TMEM178B: variants seen among roughly 807,000 people sequenced by gnomAD.
The protein encoded by TMEM178B is transmembrane protein 178B.
In TMEM178B, 5 loss-of-function variants were observed where a neutral mutation model predicts 31.0. The observed-to-expected ratio is 0.16, with a 90% CI of 0.08 to 0.34. TMEM178B has a LOEUF of 0.34. Among genes scored for constraint, TMEM178B ranks in the 10% least tolerant of loss-of-function variants. The pLI is 1.00. For missense variants in TMEM178B, 275 were observed against 400.3 expected, an observed-to-expected ratio of 0.69 and a Z score of 2.67; for synonymous variants, 164 against 164.0, an observed-to-expected ratio of 1.00 and a Z score of 0.00.
chr7:141,257,895 T>C (rs1797953024), intron 2 of TMEM178B, among the ~76,000 whole-genome samples: 1 of 151,946 alleles, frequency 6.6e-6, no homozygotes, highest in African/African-American at 2.4e-5. Context: ...TATGGTCTCC[T>C]ATCATTTTTG....
intron 1 of TMEM178B, among the ~76,000 whole-genome samples, chr7:141,196,437 AC>A (rs1375197375): frequency 6.6e-6 from 1 of 152,234 alleles, no homozygotes. Flanking sequence ...ATTCTAAATA[AC>A]AGTGTCTGGA....
chr7:141,413,836 A>G (rs1353814080), intron 2 of TMEM178B, among the ~76,000 whole-genome samples: 1 of 138,270 alleles, frequency 7.2e-6, no homozygotes, highest in Non-Finnish European at 1.7e-5. Flanking sequence ...AGAGCAACAC[A>G]TACTTATTAT....
chr7:141,216,464 T>C lies in TMEM178B; in HGVS notation c.496+3760T>C, dbSNP rs865910968. On this transcript the variant is annotated intron_variant, in intron 2 of 3. Coordinates refer to ENST00000565468, the MANE Select transcript of TMEM178B (RefSeq NM_001195278.2). ...GTGTGTGTGTGCGCGCGCGCGCGCG[T>C]GTGTGTGTGTGGGTGTGTGGTGGGG... 4.0e-4 allele frequency among the ~76,000 whole-genome samples: 36 copies of C among 90,026 alleles called. 1 individual carries two copies. Among genetic ancestry groups the C allele is most frequent in the South Asian group, 1.2e-3 (4 of 3,226 alleles). 59.1% of individuals were successfully genotyped at this position (90,026 alleles called of 152,430 possible). A position where few individuals can be genotyped will look rare whatever the true frequency, so the allele number is the denominator to read the frequency against.
In TMEM178B at chr7:141,463,373, G is replaced by A. The variant is rs139841100; in HGVS notation, c.635-7163G>A. 3.8e-3 allele frequency among the ~76,000 whole-genome samples: 586 copies of A among 152,278 alleles called. 7 individuals are homozygous for A. Among genetic ancestry groups the A allele is most frequent in the African/African-American group, 0.013 (547 of 41,546 alleles). On this transcript the variant is annotated intron_variant, in intron 3 of 3. Coordinates refer to ENST00000565468, the MANE Select transcript of TMEM178B (RefSeq NM_001195278.2). ...CAGCCACTGGACTTTGCCATCCAAA[G>A]GACAGTTCCTCCAATGACATACCTT...
intron 2 of TMEM178B, among the ~76,000 whole-genome samples, chr7:141,363,239 G>C (rs1258503224): frequency 6.6e-6 from 1 of 152,180 alleles, no homozygotes; most frequent in African/African-American, 2.4e-5. Flanking sequence ...GCCTTTGCTG[G>C]GTTAGTAAAC....
At chr7:141,242,351 A>G (rs952567685) in intron 2 of TMEM178B, among the ~76,000 whole-genome samples, 1 of 151,408 alleles carries the variant, frequency 6.6e-6, no homozygotes, top group Non-Finnish European at 1.5e-5. Context: ...ATCAATAGCC[A>G]CATGCCCGGC....
intron 1 of TMEM178B, among the ~76,000 whole-genome samples, chr7:141,139,192 C>T (rs964977695): frequency 6.6e-6 from 1 of 152,118 alleles, no homozygotes; most frequent in Non-Finnish European, 1.5e-5. Context: ...TCTTTTCTTT[C>T]GCCATTAATC....
intron 1 of TMEM178B, among the ~76,000 whole-genome samples, chr7:141,174,809 G>T (rs6969842): frequency 0.68 from 103,789 of 152,008 alleles, 35,792 homozygotes; most frequent in Middle Eastern, 0.72. Context: ...TGATGGGGTT[G>T]TCTGTTTTTT....
intron 2 of TMEM178B, among the ~76,000 whole-genome samples, chr7:141,342,998 C>G (rs1799545068): frequency 6.6e-6 from 1 of 152,194 alleles, no homozygotes; most frequent in Non-Finnish European, 1.5e-5. Flanking sequence ...TGGGACTCAC[C>G]CGGATGGCTC....
At chr7:141,312,270 G>A (rs1009053281) in intron 2 of TMEM178B, among the ~76,000 whole-genome samples, 2 of 152,200 alleles carry the variant, frequency 1.3e-5, no homozygotes, top group Admixed American at 6.5e-5. Context: ...TTCCCCTGCA[G>A]AATCCAATTT....
intron 1 of TMEM178B, among the ~76,000 whole-genome samples, chr7:141,177,846 A>T (rs1796458966): frequency 2.6e-5 from 4 of 152,120 alleles, no homozygotes; most frequent in African/African-American, 9.7e-5. Context: ...TTTGCACATG[A>T]GATGGATCTC....
intron 2 of TMEM178B, among the ~76,000 whole-genome samples, chr7:141,325,765 C>A (rs551302533): frequency 1.3e-5 from 2 of 152,208 alleles, no homozygotes; most frequent in East Asian, 3.9e-4. Flanking sequence ...AGCTTTTCCA[C>A]CTGGGATGGT....
intron 2 of TMEM178B, among the ~76,000 whole-genome samples, chr7:141,241,334 G>A (rs1044176649): frequency 5.9e-5 from 9 of 151,982 alleles, no homozygotes; most frequent in African/African-American, 2.2e-4. Context: ...GCTCACGCCT[G>A]TAATCCCAGC....
chr7:141,494,561 G>T, the TMEM178B span, among the ~76,000 whole-genome samples: 1 of 152,234 alleles, frequency 6.6e-6, no homozygotes, highest in Admixed American at 6.5e-5. Context: ...TATTAAAATT[G>T]TTATGAGGCC....
intron 2 of TMEM178B, among the ~76,000 whole-genome samples, chr7:141,273,286 C>T (rs1453843491): frequency 6.6e-6 from 1 of 152,152 alleles, no homozygotes; most frequent in Non-Finnish European, 1.5e-5. Flanking sequence ...TGAACAAGTT[C>T]TGGGGAGCTC....
intron 1 of TMEM178B, among the ~76,000 whole-genome samples, chr7:141,170,905 G>A (rs993601020): frequency 2.0e-5 from 3 of 151,990 alleles, no homozygotes; most frequent in Non-Finnish European, 2.9e-5. Context: ...AGGCACAGTC[G>A]GCATTCCTCT....
intron 1 of TMEM178B, among the ~76,000 whole-genome samples, chr7:141,212,009 T>C (rs927426082): frequency 2.0e-5 from 3 of 152,156 alleles, no homozygotes; most frequent in African/African-American, 7.2e-5. Context: ...AAAGCATGCT[T>C]TGATTGGTGT....
chr7:141,375,117 G>T (rs1487582476), intron 2 of TMEM178B, among the ~76,000 whole-genome samples: 1 of 152,144 alleles, frequency 6.6e-6, no homozygotes, highest in Non-Finnish European at 1.5e-5. Flanking sequence ...CCTCTCACTT[G>T]ATTTACCGGA....
At chr7:141,198,444 A>G (rs1047800830) in intron 1 of TMEM178B, among the ~76,000 whole-genome samples, 8 of 152,226 alleles carry the variant, frequency 5.3e-5, no homozygotes, top group African/African-American at 1.7e-4. Context: ...CTTTTCTCTG[A>G]AGAAGCAGGA....
Sources: gnomAD v4.1 joint callset for allele counts (sites outside exome capture counted in the v4.1 genomes callset) on GRCh38, gnomAD v4.1.1 for gene constraint, MANE v1.5 for transcripts, NCBI Gene and HGNC (gene_info 2026-07-23, HGNC 2026-07-21) for gene names.